GRID2: variants seen among roughly 807,000 people sequenced by gnomAD.
GRID2 encodes the protein glutamate receptor ionotropic, delta-2.
In GRID2, 33 loss-of-function variants were observed where a neutral mutation model predicts 114.8. The ratio of observed to expected loss-of-function variants is 0.29; its 90% CI spans 0.22 to 0.38. GRID2 has a LOEUF of 0.38. GRID2 is among the 10% of genes least tolerant of loss of function. The probability of loss-of-function intolerance (pLI) is 1.00; values close to 1 mark genes in which losing one functional copy is unlikely to be tolerated. For missense variants in GRID2, 1,184 were observed against 1,257.7 expected (o/e 0.94, Z 0.89); for synonymous variants, 505 against 449.9 (o/e 1.12, Z -1.55).
intron 11 of GRID2, among the ~76,000 whole-genome samples, chr4:93,485,996 A>G (rs1726364797): frequency 6.6e-6 from 1 of 151,896 alleles, no homozygotes; most frequent in African/African-American, 2.4e-5. Context: ...ATCAATGAAC[A>G]TGCTATATCT....
At chr4:93,370,558 T>G (rs1256920415) in intron 8 of GRID2, among the ~76,000 whole-genome samples, 2 of 151,248 alleles carry the variant, frequency 1.3e-5, no homozygotes, top group African/African-American at 4.8e-5. Flanking sequence ...CACTGTTTCT[T>G]GAAAATAATC....
chr4:92,959,745 T>A (rs528856615), intron 2 of GRID2, among the ~76,000 whole-genome samples: 17 of 152,086 alleles, frequency 1.1e-4, no homozygotes, highest in Middle Eastern at 3.4e-3. Flanking sequence ...CTCAGCAAAC[T>A]ATGCAGGAAC....
At chr4:92,405,079 A>T (rs1235746140) in intron 1 of GRID2, among the ~76,000 whole-genome samples, 1 of 152,154 alleles carries the variant, frequency 6.6e-6, no homozygotes, top group Non-Finnish European at 1.5e-5. Flanking sequence ...TTCTGTAACC[A>T]TATCAGATAT....
At chr4:92,475,376 GTCT>G (rs1480716681) in intron 1 of GRID2, among the ~76,000 whole-genome samples, 2 of 151,024 alleles carry the variant, frequency 1.3e-5, no homozygotes, top group African/African-American at 4.9e-5. Context: ...TATAATTTCA[GTCT>G]TCTGCTTGTG....
At chr4:93,184,304 G>A (rs750709606) in intron 4 of GRID2, among the ~76,000 whole-genome samples, 1 of 152,082 alleles carries the variant, frequency 6.6e-6, no homozygotes, top group African/African-American at 2.4e-5. Context: ...AACAACGAAA[G>A]GGGAGTGGTG....
chr4:93,629,147 T>G (rs1045687589), intron 14 of GRID2, among the ~76,000 whole-genome samples: 4 of 151,616 alleles, frequency 2.6e-5, no homozygotes, highest in African/African-American at 9.7e-5. Flanking sequence ...ACACCAAGTG[T>G]TGCATTTCTT....
chr4:92,942,645 A>G lies in GRID2; in HGVS notation c.245-142350A>G, dbSNP rs866532695. Among the ~76,000 whole-genome samples the G allele has an allele frequency of 2.6e-5, 4 of 152,274 alleles. No individual in the cohort carries two copies. In the South Asian group the frequency reaches 6.2e-4, roughly 24 times the overall value. On this transcript the variant is annotated intron_variant, in intron 2 of 15. Coordinates refer to ENST00000282020, the MANE Select transcript of GRID2 (RefSeq NM_001510.4). ...AGCTGGTTATTTTGCTCATTAGTTG[A>G]TGCAGTTGCTTCCTAGCCTTGACGG...
At chr4:92,865,136 C>A (rs895884565) in intron 2 of GRID2, among the ~76,000 whole-genome samples, 3 of 152,086 alleles carry the variant, frequency 2.0e-5, no homozygotes, top group Non-Finnish European at 4.4e-5. Flanking sequence ...TAGATTGGTC[C>A]CCTTTGTATA....
intron 14 of GRID2, among the ~76,000 whole-genome samples, chr4:93,758,283 G>A (rs538634864): frequency 6.6e-6 from 1 of 152,276 alleles, no homozygotes; most frequent in South Asian, 2.1e-4. Flanking sequence ...TCCCACAGTT[G>A]TACTATTGTT....
chr4:93,245,447 T>G (rs962583453), intron 8 of GRID2, among the ~76,000 whole-genome samples: 14 of 152,334 alleles, frequency 9.2e-5, no homozygotes, highest in African/African-American at 3.1e-4. Context: ...TTTTAATGGT[T>G]AAGCAAGATA....
At chr4:93,711,243 T>A (rs944334717) in intron 14 of GRID2, among the ~76,000 whole-genome samples, 7 of 152,200 alleles carry the variant, frequency 4.6e-5, no homozygotes, top group African/African-American at 1.7e-4. Flanking sequence ...ACTGCCTGGC[T>A]ACTGCTGATG....
At chr4:93,734,882 C>G (rs1258696786) in intron 14 of GRID2, among the ~76,000 whole-genome samples, 1 of 151,938 alleles carries the variant, frequency 6.6e-6, no homozygotes, top group Non-Finnish European at 1.5e-5. Flanking sequence ...AAATTTGAAG[C>G]TTTTAATAAA....
intron 8 of GRID2, among the ~76,000 whole-genome samples, chr4:93,343,271 A>C (rs1278867308): frequency 6.6e-6 from 1 of 151,800 alleles, no homozygotes; most frequent in African/African-American, 2.4e-5. Flanking sequence ...TTACCATCTG[A>C]TTTTCATTCA....
chr4:93,679,734 A>C (rs1725312047), intron 14 of GRID2, among the ~76,000 whole-genome samples: 1 of 151,090 alleles, frequency 6.6e-6, no homozygotes, highest in African/African-American at 2.5e-5. Flanking sequence ...ACCAACGAGA[A>C]CAAAGACACA....
intron 14 of GRID2, among the ~76,000 whole-genome samples, chr4:93,712,991 A>C (rs1364493151): frequency 6.6e-6 from 1 of 152,008 alleles, no homozygotes; most frequent in East Asian, 1.9e-4. Context: ...CACCTGGCCA[A>C]TTTATCTACA....
intron 2 of GRID2, among the ~76,000 whole-genome samples, chr4:92,925,145 A>G (rs1235318085): frequency 2.6e-5 from 4 of 152,128 alleles, no homozygotes; most frequent in Non-Finnish European, 4.4e-5. Context: ...TCATTCACAC[A>G]TAAAGCAACG....
At chr4:92,919,963 G>T (rs891355439) in intron 2 of GRID2, among the ~76,000 whole-genome samples, 1 of 152,032 alleles carries the variant, frequency 6.6e-6, no homozygotes, top group African/African-American at 2.4e-5. Flanking sequence ...AAAGTCTTCC[G>T]TTATTATTGT....
At chr4:92,543,419 C>G (rs1726079025) in intron 1 of GRID2, among the ~76,000 whole-genome samples, 1 of 152,056 alleles carries the variant, frequency 6.6e-6, no homozygotes, top group African/African-American at 2.4e-5. Context: ...AATTTTATAG[C>G]AAAAATTCAT....
intron 2 of GRID2, among the ~76,000 whole-genome samples, chr4:92,945,150 A>G (rs758711765): frequency 5.3e-5 from 8 of 152,172 alleles, no homozygotes; most frequent in East Asian, 1.9e-4. Flanking sequence ...TATTGCTTCT[A>G]TACATCCTAT....
Sources: allele counts gnomAD v4.1 joint callset (sites outside exome capture counted in the v4.1 genomes callset), GRCh38; gene constraint gnomAD v4.1.1; transcripts MANE v1.5; gene names NCBI Gene and HGNC (gene_info 2026-07-23, HGNC 2026-07-21).